CACNG5: variants seen among roughly 807,000 people sequenced by gnomAD.
CACNG5 encodes voltage-dependent calcium channel gamma-5 subunit.
A neutral mutation model predicts 24.8 loss-of-function variants in CACNG5; 18 were observed. The ratio of observed to expected loss-of-function variants is 0.73; its 90% CI spans 0.50 to 1.08. The LOEUF is 1.08. Ranked by LOEUF, CACNG5 falls within the 50% of genes least tolerant of loss-of-function variation. CACNG5 has a pLI of 0.00. For synonymous variants in CACNG5, 157 were observed against 149.1 expected (o/e 1.05, Z -0.39); for missense variants, 349 against 367.9 (o/e 0.95, Z 0.42).
Position 66,884,719 on chromosome 17 carries a change from C to T in CACNG5, c.570+58C>T, listed in dbSNP as rs779081557. On this transcript the variant is annotated intron_variant, in intron 5 of 5. Coordinates refer to ENST00000533854, the MANE Select transcript of CACNG5 (RefSeq NM_145811.3). ...GGGCCTGGGCACTGCCCCACTGAGC[C>T]GGGGAGAGTGGGGATGGGGGAGAAG... 9.9e-6 allele frequency: 16 copies of T among 1,614,128 alleles called. No individual in the cohort carries two copies. The East Asian group carries it at 2.0e-4, about 20-fold the overall frequency.
Position 66,885,693 on chromosome 17 carries a change from C to T in CACNG5, c.*453C>T, listed in dbSNP as rs545035438. 1.4e-4 allele frequency among the ~76,000 whole-genome samples: 22 copies of T among 152,372 alleles called. No individual in the cohort carries two copies. Among genetic ancestry groups the T allele is most frequent in the Non-Finnish European group, 2.2e-4 (15 of 68,040 alleles). On this transcript the variant is annotated 3_prime_UTR_variant, in exon 6 of 6. Transcript: ENST00000533854. ...CCTGGCCATTCACATTCAAGATCTGCACCATCTGGCCGAAAGGTGACTCTG... is the reference window on the plus strand; with the variant it reads ...CCTGGCCATTCACATTCAAGATCTGTACCATCTGGCCGAAAGGTGACTCTG...
chr17:66,865,754 C>T (rs1429821819), intron 1 of CACNG5, among the ~76,000 whole-genome samples: 3 of 151,406 alleles, frequency 2.0e-5, no homozygotes, highest in South Asian at 2.1e-4. Context: ...ATCAGCCTCC[C>T]GAGTAGCTGG....
At chr17:66,858,730 T>C (rs1976816682) in intron 1 of CACNG5, among the ~76,000 whole-genome samples, 1 of 127,460 alleles carries the variant, frequency 7.8e-6, no homozygotes, top group Middle Eastern at 4.4e-3. Flanking sequence ...CCCTGAAGAG[T>C]GAAATCTCCC....
intron 1 of CACNG5, among the ~76,000 whole-genome samples, chr17:66,851,542 A>G (rs1976709583): frequency 6.6e-6 from 1 of 152,206 alleles, no homozygotes; most frequent in Admixed American, 6.5e-5. Flanking sequence ...AATAAATCCA[A>G]TGTGTTTAAA....
At chr17:66,838,775 C>T (rs1315454277) in intron 1 of CACNG5, among the ~76,000 whole-genome samples, 2 of 152,000 alleles carry the variant, frequency 1.3e-5, no homozygotes, top group Non-Finnish European at 2.9e-5. Context: ...TATTGAGCAC[C>T]TGCTATGCAT....
chr17:66,875,676 G>A (rs1473996558), intron 1 of CACNG5, among the ~76,000 whole-genome samples: 3 of 152,302 alleles, frequency 2.0e-5, no homozygotes, highest in East Asian at 3.9e-4. Context: ...CTGGGGCAGG[G>A]CCCTAGGACT....
intron 4 of CACNG5, among the ~76,000 whole-genome samples, chr17:66,883,957 A>AG (rs1977204491): frequency 1.3e-5 from 2 of 151,952 alleles, no homozygotes; most frequent in Admixed American, 1.3e-4. Flanking sequence ...ACATGGAGAA[A>AG]CCTTGTCTCT....
chr17:66,866,652 T>A (rs1208562730), intron 1 of CACNG5, among the ~76,000 whole-genome samples: 1 of 152,060 alleles, frequency 6.6e-6, no homozygotes, highest in South Asian at 2.1e-4. Context: ...CTGGTGTGTG[T>A]TTTTCCCCTC....
chr17:66,842,539 A>G (rs1976583333), intron 1 of CACNG5, among the ~76,000 whole-genome samples: 1 of 152,158 alleles, frequency 6.6e-6, no homozygotes, highest in Admixed American at 6.5e-5. Context: ...CTCAAGAAAA[A>G]GGCGGAGTTG....
At chr17:66,864,509 T>C (rs1459316199) in intron 1 of CACNG5, among the ~76,000 whole-genome samples, 2 of 152,354 alleles carry the variant, frequency 1.3e-5, no homozygotes, top group African/African-American at 2.4e-5. Flanking sequence ...TTGGTTTCCT[T>C]GATTGCTCTC....
Position 66,884,564 on chromosome 17 carries a change from A to G in CACNG5, c.473A>G (p.Asp158Gly), listed in dbSNP as rs1435427219. 1.2e-6 allele frequency: 2 copies of G among 1,613,990 alleles called. No homozygotes were observed. Among genetic ancestry groups the G allele is most frequent in the Admixed American group, 1.7e-5 (1 of 59,998 alleles). Residue 158 changes from aspartate to glycine, a missense_variant, in exon 5 of 6, where the codon GAT becomes GGT. Asp to Gly is a moderately conservative substitution (Grantham distance 94, BLOSUM62 -1). Coordinates refer to ENST00000533854, the MANE Select transcript of CACNG5 (RefSeq NM_145811.3). ...GTGCTCTACATCTCCAGCATCAACGATGAGATGCTCAACAGGACCAAGGAT... is the reference window on the plus strand; with the variant it reads ...GTGCTCTACATCTCCAGCATCAACGGTGAGATGCTCAACAGGACCAAGGAT... ...GLVLYISSIN[D>G]EMLNRTKDAE... is the part of the protein sequence containing the mutation.
At chr17:66,845,741 T>A (rs1298723589) in intron 1 of CACNG5, among the ~76,000 whole-genome samples, 1 of 152,162 alleles carries the variant, frequency 6.6e-6, no homozygotes, top group Non-Finnish European at 1.5e-5. Flanking sequence ...CTGAAATCAA[T>A]GCCCTGTGTC....
At chr17:66,843,817 C>A (rs536026924) in intron 1 of CACNG5, among the ~76,000 whole-genome samples, 1 of 152,218 alleles carries the variant, frequency 6.6e-6, no homozygotes, top group African/African-American at 2.4e-5. Context: ...TGGGGGGAGG[C>A]AGGAACCACT....
At position 66,889,666 on chromosome 17, in the gene CACNG5, T is replaced by C. The variant is rs1362012942; in HGVS notation, c.*4426T>C. On this transcript the variant is annotated 3_prime_UTR_variant, in exon 6 of 6. Coordinates refer to ENST00000533854, the MANE Select transcript of CACNG5 (RefSeq NM_145811.3). ...GAGGACTTGCAGTTCAAGTCCAAAC[T>C]TGCAGTCTCCTGGCAGAAATCCTGG... 6.6e-6 allele frequency among the ~76,000 whole-genome samples: 1 copy of C among 152,176 alleles called. No individual in the cohort carries two copies.
At position 66,890,483 on chromosome 17, in the gene CACNG5, T is replaced by C. The variant is rs1194469397; in HGVS notation, c.*5243T>C. Among the ~76,000 whole-genome samples the C allele has an allele frequency of 6.6e-6, 1 of 152,248 alleles. No homozygotes were observed. The highest frequency in any genetic ancestry group is 1.5e-5 in the Non-Finnish European group (1 of 68,036). ...TGAGGTCTCTGGAGTCTCACATCCC[T>C]GAACCAGGATCCTGGACCTCTGCTC... On this transcript the variant is annotated 3_prime_UTR_variant, in exon 6 of 6. Coordinates refer to ENST00000533854, the MANE Select transcript of CACNG5 (RefSeq NM_145811.3).
rs1272692653 is a variant in CACNG5, at chr17:66,877,435, T to C, written c.103T>C (p.Tyr35His). ...CGCGGTCAGCACCGACTACTGGCTGTACCTGGAGGAGGGTGTGATTGTGCC... is the reference window on the plus strand; with the variant it reads ...CGCGGTCAGCACCGACTACTGGCTGCACCTGGAGGAGGGTGTGATTGTGCC... ...GIAVSTDYWL[Y>H]LEEGVIVPQN... is the part of the protein sequence containing the mutation. The change falls in exon 2 of 6, where the codon TAC (tyrosine) becomes CAC (histidine). Residue 35 changes from tyrosine to histidine, a missense_variant. Tyr to His is a moderately conservative substitution (Grantham distance 83). Coordinates refer to ENST00000533854, the MANE Select transcript of CACNG5 (RefSeq NM_145811.3). 11 of 1,614,110 alleles carry C rather than the reference T, an allele frequency of 6.8e-6. No homozygotes were observed. The highest frequency in any genetic ancestry group is 9.3e-6 in the Non-Finnish European group (11 of 1,180,020).
intron 1 of CACNG5, among the ~76,000 whole-genome samples, chr17:66,852,524 A>T (rs1465806950): frequency 6.6e-6 from 1 of 152,206 alleles, no homozygotes; most frequent in Non-Finnish European, 1.5e-5. Context: ...AACCTTTAAG[A>T]AACTGAAAAT....
At chr17:66,839,393 G>A (rs1436681558) in intron 1 of CACNG5, among the ~76,000 whole-genome samples, 1 of 152,094 alleles carries the variant, frequency 6.6e-6, no homozygotes, top group Non-Finnish European at 1.5e-5. Context: ...CTGTTTCTTA[G>A]GAGCAAGCAT....
chr17:66,853,669 T>G (rs946043286), intron 1 of CACNG5, among the ~76,000 whole-genome samples: 1 of 152,146 alleles, frequency 6.6e-6, no homozygotes, highest in Non-Finnish European at 1.5e-5. Flanking sequence ...TGTTTAACAT[T>G]ACAAAATCTA....
Sources: gnomAD v4.1 joint callset for allele counts (sites outside exome capture counted in the v4.1 genomes callset) on GRCh38, gnomAD v4.1.1 for gene constraint, MANE v1.5 for transcripts, NCBI Gene and HGNC (gene_info 2026-07-23, HGNC 2026-07-21) for gene names.